Variants in ATP13A3 observed in about 807,000 individuals in gnomAD.
ATP13A3 encodes ATPase 13A3, also known as polyamine-transporting ATPase 13A3.
In ATP13A3, 59 loss-of-function variants were observed where a neutral mutation model predicts 158.1. The observed-to-expected ratio is 0.37, with a 90% CI of 0.30 to 0.46. The LOEUF (loss-of-function observed/expected upper bound fraction) is 0.46. ATP13A3 is among the 20% of genes least tolerant of loss of function. ATP13A3 has a pLI of 1.00. For synonymous variants in ATP13A3, 491 were observed against 504.3 expected (o/e 0.97, Z 0.35); for missense variants, 1,166 against 1,525.2 (o/e 0.76, Z 3.92).
In ATP13A3 at chr3:194,454,327, AT is replaced by A; in HGVS notation, c.695del (p.Tyr232PhefsTer5). On this transcript the variant is annotated frameshift_variant, in exon 9 of 34. Transcript: ENST00000645319. LOFTEE classifies it high-confidence loss of function. ...TAACCACAATAGCTAGAGCATAGTA[AT>A]AGTATTCATCAGTGCTCCACAGTAT... ...SVILWSTDEY[Y>X]YYALAIVVMS... is the part of the protein sequence containing the mutation. 1 of 1,607,366 alleles carries A rather than the reference AT, an allele frequency of 6.2e-7. No individual in the cohort carries two copies. Among genetic ancestry groups the A allele is most frequent in the Non-Finnish European group, 8.5e-7 (1 of 1,174,054 alleles).
At chr3:194,444,853 A>G in intron 14 of ATP13A3, 67 bp from the exon 15 acceptor site, 1 of 1,267,968 alleles carries the variant, frequency 7.9e-7, no homozygotes, top group Non-Finnish European at 1.1e-6. Flanking sequence ...CCAAAAATAA[A>G]AATAAAAAGC....
rs770522075 is a variant in ATP13A3 at position 194,462,157 on chromosome 3, C to T, written c.34G>A (p.Gly12Ser). The T allele has an allele frequency of 1.2e-6, 2 of 1,613,998 alleles. No homozygotes were observed. Residue 12 changes from glycine (G) to serine (S), a missense_variant, in exon 3 of 34, where the codon GGT becomes AGT. By Grantham distance (56) the Gly-to-Ser change is moderately conservative. Transcript: ENST00000645319. ...CTGGTTACCATTTCATCTTCTTGAC[C>T]CTGATTGATGGTCTTCCTTTCTTCC... ...DREERKTINQ[G>S]QEDEMEIYGY...
intron 31 of ATP13A3, among the ~76,000 whole-genome samples, chr3:194,419,627 T>C (rs1467021241): frequency 5.3e-5 from 8 of 152,194 alleles, no homozygotes; most frequent in Admixed American, 4.6e-4. Flanking sequence ...AGGATCAACG[T>C]TTTTTTATGT....
chr3:194,461,914 T>TA (rs1428106273), intron 3 of ATP13A3, among the ~76,000 whole-genome samples: 1 of 152,192 alleles, frequency 6.6e-6, no homozygotes, highest in Admixed American at 6.5e-5. Context: ...TGCAAAAACA[T>TA]ACTTCTTCTC....
intron 31 of ATP13A3, 177 bp downstream of exon 31, chr3:194,419,702 T>C: frequency 3.6e-6 from 3 of 841,018 alleles, no homozygotes; most frequent in Non-Finnish European, 4.3e-6. Flanking sequence ...GAAGCAGAGA[T>C]TAAACAGGTA....
At chr3:194,421,114 G>GTGTGTGTGTATA (rs774431656) in intron 30 of ATP13A3, among the ~76,000 whole-genome samples, 39 of 8,112 alleles carry the variant, frequency 4.8e-3, no homozygotes, top group African/African-American at 0.02. Context: ...TGTGTAGGGT[G>GTGTGTGTGTATA]TATATATATA....
In ATP13A3 at chr3:194,454,401, C is replaced by T. The variant is rs1206155850; in HGVS notation, c.631-9G>A. 6.2e-7 allele frequency: 1 copy of T among 1,606,482 alleles called. No homozygotes were observed. The highest frequency in any genetic ancestry group is 8.5e-7 in the Non-Finnish European group (1 of 1,175,018). On this transcript the variant is annotated splice_polypyrimidine_tract_variant and intron_variant, in intron 8 of 33. Transcript: ENST00000645319. ...TAAAATGGGTTGAGAACCTAAAAAACAAGATTTTAAAGTCAAACTGAATGA... is the reference window on the plus strand; with the variant it reads ...TAAAATGGGTTGAGAACCTAAAAAATAAGATTTTAAAGTCAAACTGAATGA...
chr3:194,460,940 C>T, intron 3 of ATP13A3, 109 bp from the exon 4 acceptor site: 2 of 1,150,804 alleles, frequency 1.7e-6, no homozygotes, highest in East Asian at 5.2e-5. Flanking sequence ...ATTGTCTTGT[C>T]ACATAAACTG....
intron 15 of ATP13A3, among the ~76,000 whole-genome samples, chr3:194,442,468 C>T (rs1385426187): frequency 6.6e-6 from 1 of 151,896 alleles, no homozygotes. Flanking sequence ...TAAAGAATCC[C>T]GTAAATTTAA....
chr3:194,483,426 C>CAAAAAAAAAAAAAAAAAAAAAA (rs1228588078), intron 2 of ATP13A3, among the ~76,000 whole-genome samples: 1 of 120,392 alleles, frequency 8.3e-6, no homozygotes, highest in African/African-American at 3.3e-5. Flanking sequence ...CCCACCTCTA[C>CAAAAAAAAAAAAAAAAAAAAAA]AAAAAAAAAA....
At chr3:194,453,962 A>T (rs186643436) in intron 9 of ATP13A3, among the ~76,000 whole-genome samples, 184 bp from the exon 10 acceptor site, 17 of 152,352 alleles carry the variant, frequency 1.1e-4, no homozygotes, top group Non-Finnish European at 1.9e-4. Context: ...GCACTTTAAC[A>T]GGATAGCCCT....
chr3:194,428,769 TA>T, intron 28 of ATP13A3, 75 bp downstream of exon 28: 4 of 1,071,174 alleles, frequency 3.7e-6, no homozygotes, highest in Non-Finnish European at 5.5e-6. Context: ...ATTGTTGATG[TA>T]AATTTACAAA....
chr3:194,492,807 T>C (rs1180424719), intron 2 of ATP13A3, among the ~76,000 whole-genome samples: 1 of 152,228 alleles, frequency 6.6e-6, no homozygotes, highest in Non-Finnish European at 1.5e-5. Flanking sequence ...GTAAATTCTA[T>C]GCAAACATAT....
chr3:194,462,062 A>G (rs56695107), intron 3 of ATP13A3, 78 bp downstream of exon 3: 4 of 1,441,278 alleles, frequency 2.8e-6, no homozygotes, highest in Admixed American at 3.5e-5. Context: ...TGTTAATTGC[A>G]TTTTTCTAGT....
chr3:194,455,980 A>C lies in ATP13A3; in HGVS notation c.561-18T>G. 7.1e-7 allele frequency: 1 copy of C among 1,410,926 alleles called. No individual in the cohort carries two copies. The highest frequency in any genetic ancestry group is 9.8e-7 in the Non-Finnish European group (1 of 1,022,038). 87.4% of individuals were successfully genotyped at this position (1,410,926 alleles called of 1,614,324 possible). On this transcript the variant is annotated intron_variant, in intron 7 of 33. Transcript: ENST00000645319. ...GCAGTTTTCTATAACAGGAAAATAC[A>C]TTCATAGTATTACATTATATCATAA...
rs1717245472 is a variant in ATP13A3, at chr3:194,431,835, T to G, written c.2303A>C (p.Gln768Pro). Reference sequence around the variant, plus strand: ...TGCTTCAGCAATAATCACTTTATCCTGAGGTAGAATCATTCCACAATCTCT... The same window carrying G: ...TGCTTCAGCAATAATCACTTTATCCGGAGGTAGAATCATTCCACAATCTCT... ...VARDCGMILP[Q>P]DKVIIAEALP... The change falls in exon 22 of 34, where the codon CAG becomes CCG. Residue 768 changes from glutamine (Q) to proline (P), a missense_variant. Coordinates refer to ENST00000645319, the MANE Select transcript of ATP13A3 (RefSeq NM_001367549.1). 6.2e-7 allele frequency: 1 copy of G among 1,612,178 alleles called. No homozygotes were observed. Among genetic ancestry groups the G allele is most frequent in the Admixed American group, 1.7e-5 (1 of 59,512 alleles).
chr3:194,480,763 G>A (rs1720718777), intron 2 of ATP13A3, among the ~76,000 whole-genome samples: 1 of 152,116 alleles, frequency 6.6e-6, no homozygotes, highest in Non-Finnish European at 1.5e-5. Context: ...CACTCTGGGG[G>A]GAAGCAACAG....
chr3:194,448,124 C>G lies in ATP13A3; in HGVS notation c.1151-115G>C. 9.5e-7 allele frequency: 1 copy of G among 1,049,864 alleles called. No homozygotes were observed. The highest frequency in any genetic ancestry group is 1.4e-6 in the Non-Finnish European group (1 of 710,822). The allele number at this position is 1,049,864 out of a possible 1,614,324, so 65.0% of individuals were successfully genotyped here. A position where few individuals can be genotyped will look rare whatever the true frequency, so the allele number is the denominator to read the frequency against. On this transcript the variant is annotated intron_variant, in intron 12 of 33. Transcript: ENST00000645319. The surrounding 1 kb of genome is among the most constrained non-coding windows in gnomAD (Gnocchi z 4.0). ...ACAGAGTCTCGCTCTGTCACCCAGG[C>G]TGGAGTACAGTGGTGTGATCTCGAC...
intron 33 of ATP13A3, among the ~76,000 whole-genome samples, chr3:194,411,054 C>A (rs1715388188): frequency 1.6e-5 from 2 of 128,126 alleles, no homozygotes; most frequent in Admixed American, 7.1e-5. Context: ...ACTGGTATTA[C>A]ACTGCTTTCA....
Sources: allele counts gnomAD v4.1 joint callset (sites outside exome capture counted in the v4.1 genomes callset), GRCh38; gene constraint gnomAD v4.1.1; non-coding constraint Gnocchi (gnomAD v3.1); transcripts MANE v1.5; gene names NCBI Gene and HGNC (gene_info 2026-07-23, HGNC 2026-07-21).